PRKN: variants seen among roughly 807,000 people sequenced by gnomAD.
The protein encoded by PRKN is E3 ubiquitin-protein ligase parkin.
Under a neutral mutation model 59.5 loss-of-function variants are expected in PRKN, and 56 were observed. The observed-to-expected ratio is 0.94, with a 90% CI of 0.76 to 1.18. PRKN has a LOEUF of 1.18. Among genes scored for constraint, PRKN ranks in the 50% most tolerant of loss-of-function variants. PRKN has a pLI of 0.00. For missense variants in PRKN, 657 were observed against 596.4 expected (o/e 1.10, Z -1.06); for synonymous variants, 250 against 222.1 (o/e 1.13, Z -1.12).
rs551688653 is a variant in PRKN at position 162,109,125 on chromosome 6, C to T, written c.535-54951G>A. Among the ~76,000 whole-genome samples the T allele has an allele frequency of 7.9e-5, 12 of 152,228 alleles. No individual in the cohort carries two copies. The South Asian group carries it at 2.5e-3, about 32-fold the overall frequency. Reference sequence around the variant, plus strand: ...TGTCGTGAAAAGGGGCAGTAACTCCCAAGTGTTGCCATGGCAATGGGAAAC... The same window carrying T: ...TGTCGTGAAAAGGGGCAGTAACTCCTAAGTGTTGCCATGGCAATGGGAAAC... On this transcript the variant is annotated intron_variant, in intron 4 of 11. Transcript: ENST00000366898.
chr6:162,208,049 A>G (rs1785035328), intron 3 of PRKN, among the ~76,000 whole-genome samples: 1 of 152,210 alleles, frequency 6.6e-6, no homozygotes, highest in African/African-American at 2.4e-5. Context: ...TACTTACATA[A>G]GAACTAAAAT....
rs370252907 is a variant in PRKN, at chr6:162,723,438, T to C, written c.7+4224A>G. ...CCACCAAGGACAGTTGTGCAGCTTGTACACTGAAAGGCACTACCCCTAGGG... is the reference window on the plus strand; with the variant it reads ...CCACCAAGGACAGTTGTGCAGCTTGCACACTGAAAGGCACTACCCCTAGGG... On this transcript the variant is annotated intron_variant, in intron 1 of 11. Transcript: ENST00000366898. Among the ~76,000 whole-genome samples, 101 of 152,274 alleles carry C rather than the reference T, an allele frequency of 6.6e-4. No individual in the cohort carries two copies. The East Asian group carries it at 9.9e-3, about 15-fold the overall frequency.
intron 10 of PRKN, among the ~76,000 whole-genome samples, chr6:161,375,084 G>T (rs957212720): frequency 2.0e-5 from 3 of 151,798 alleles, no homozygotes; most frequent in Non-Finnish European, 4.4e-5. Context: ...GTGAGCTCAG[G>T]GGACCCGCAG....
chr6:161,904,757 ATGGGGGTG>A (rs774411012), intron 6 of PRKN, among the ~76,000 whole-genome samples: 3 of 152,064 alleles, frequency 2.0e-5, no homozygotes, highest in Non-Finnish European at 4.4e-5. Context: ...GGGACTGGGG[ATGGGGGTG>A]TGGGTCAAGA....
At chr6:162,232,577 G>A (rs10945805) in intron 3 of PRKN, among the ~76,000 whole-genome samples, 20,023 of 152,158 alleles carry the variant, frequency 0.13, 1,459 homozygotes, top group South Asian at 0.26. Context: ...CGCTTGGTAT[G>A]AAATCATTGA....
chr6:161,832,859 A>C (rs1792566883), intron 6 of PRKN, among the ~76,000 whole-genome samples: 1 of 151,778 alleles, frequency 6.6e-6, no homozygotes. Context: ...CCTGCCCACT[A>C]GATGCCAGCA....
rs1406807024 is a variant in PRKN, at chr6:161,371,169, TA to T, written c.1168-10965del. ...ATGTATATATTTAAATGTATTTTGT[TA>T]TTTTTTTTTTTGAGACGTTGTTTCG... On this transcript the variant is annotated intron_variant, in intron 10 of 11. Transcript: ENST00000366898. This position sits in a 1 kb window ranked among gnomAD's most constrained non-coding sequence, Gnocchi z 5.5. Among the ~76,000 whole-genome samples the T allele has an allele frequency of 1.4e-5, 2 of 138,560 alleles. No homozygotes were observed. The highest frequency in any genetic ancestry group is 2.0e-4 in the East Asian group (1 of 5,102). The allele number at this position is 138,560 out of a possible 152,430, so 90.9% of individuals were successfully genotyped here.
At chr6:161,559,843 T>C (rs544287825) in intron 8 of PRKN, among the ~76,000 whole-genome samples, 2 of 152,318 alleles carry the variant, frequency 1.3e-5, no homozygotes, top group South Asian at 4.1e-4. Context: ...TTTAAAATCA[T>C]GTGGATTGTA....
intron 1 of PRKN, among the ~76,000 whole-genome samples, chr6:162,468,045 T>C (rs1339001815): frequency 6.6e-6 from 1 of 152,196 alleles, no homozygotes; most frequent in Non-Finnish European, 1.5e-5. Context: ...CATCACCTTG[T>C]TTACTGCTAC....
intron 7 of PRKN, among the ~76,000 whole-genome samples, chr6:161,738,025 T>C (rs1165336267): frequency 6.6e-6 from 1 of 152,226 alleles, no homozygotes; most frequent in African/African-American, 2.4e-5. Flanking sequence ...CTGGCCTGCC[T>C]TGATTGATAA....
rs1790888362 is a variant in PRKN, at chr6:162,456,685, TC to T, written c.8-13213del. Among the ~76,000 whole-genome samples the T allele has an allele frequency of 2.6e-5, 4 of 152,170 alleles. No individual in the cohort carries two copies. In the South Asian group the frequency reaches 8.3e-4, roughly 32 times the overall value. On this transcript the variant is annotated intron_variant, in intron 1 of 11. Transcript: ENST00000366898. ...CTAGGGGAAAAATACAGGGTTAGGTTCCTTTGAGCCTCTGGTTACAACATTT... is the reference window on the plus strand; with the variant it reads ...CTAGGGGAAAAATACAGGGTTAGGTTCTTTGAGCCTCTGGTTACAACATTT...
chr6:162,181,307 T>C (rs149822977), intron 4 of PRKN, among the ~76,000 whole-genome samples: 2 of 152,196 alleles, frequency 1.3e-5, no homozygotes, highest in African/African-American at 4.8e-5. Flanking sequence ...CACAAACCAT[T>C]TGCATATTTC....
chr6:161,722,762 G>T (rs1787278925), intron 7 of PRKN, among the ~76,000 whole-genome samples: 2 of 152,030 alleles, frequency 1.3e-5, no homozygotes, highest in South Asian at 4.1e-4. Context: ...ACATTAATTT[G>T]TCTATGCCTC....
At chr6:161,490,641 T>G (rs1263775916) in intron 9 of PRKN, among the ~76,000 whole-genome samples, 1 of 152,136 alleles carries the variant, frequency 6.6e-6, no homozygotes, top group African/African-American at 2.4e-5. Context: ...TCCTCCCACC[T>G]TGGCATCCCA....
At chr6:162,169,981 A>G (rs772955357) in intron 4 of PRKN, among the ~76,000 whole-genome samples, 1 of 152,192 alleles carries the variant, frequency 6.6e-6, no homozygotes, top group Non-Finnish European at 1.5e-5. Flanking sequence ...AATATCCTCG[A>G]GTAGGAAAAT....
chr6:162,713,455 C>G (rs1484435021), intron 1 of PRKN, among the ~76,000 whole-genome samples: 3 of 146,314 alleles, frequency 2.1e-5, no homozygotes, highest in African/African-American at 7.7e-5. Context: ...GATCGCGCCA[C>G]CGCACTCCAG....
Position 162,450,857 on chromosome 6 carries a change from T to C in PRKN, c.8-7384A>G, listed in dbSNP as rs12195903. On this transcript the variant is annotated intron_variant, in intron 1 of 11. Transcript: ENST00000366898. ...AAAACTAAGAATATCCAAATACAGT[T>C]TGAATTTTAGTTAATAAGAATGTAT... is the stretch of plus-strand genomic sequence containing the variant. 9.1e-3 allele frequency among the ~76,000 whole-genome samples: 1,381 copies of C among 152,202 alleles called. 9 individuals carry two copies. Among genetic ancestry groups the C allele is most frequent in the Non-Finnish European group, 0.014 (923 of 68,008 alleles).
intron 1 of PRKN, among the ~76,000 whole-genome samples, chr6:162,606,293 T>G (rs192369898): frequency 1.3e-5 from 2 of 152,314 alleles, no homozygotes; most frequent in East Asian, 3.9e-4. Flanking sequence ...ATATTATAGC[T>G]TAGCACAGCC....
At chr6:161,932,019 T>C (rs1040965557) in intron 6 of PRKN, among the ~76,000 whole-genome samples, 2 of 152,168 alleles carry the variant, frequency 1.3e-5, no homozygotes, top group Non-Finnish European at 2.9e-5. Flanking sequence ...ATCAACCATA[T>C]GTGACTACTT....
Sources: gnomAD v4.1 joint callset for allele counts (sites outside exome capture counted in the v4.1 genomes callset) on GRCh38, gnomAD v4.1.1 for gene constraint, Gnocchi (gnomAD v3.1) non-coding constraint, MANE v1.5 for transcripts, NCBI Gene and HGNC (gene_info 2026-07-23, HGNC 2026-07-21) for gene names.